Variants in EXOC4 observed in about 807,000 individuals in gnomAD.
EXOC4 encodes the protein SEC8-like 1.
A neutral mutation model predicts 107.2 loss-of-function variants in EXOC4; 71 were observed. The observed-to-expected ratio is 0.66, with a 90% CI of 0.55 to 0.81. The LOEUF is 0.81. EXOC4 is among the 30% of genes least tolerant of loss of function. The pLI, the probability that EXOC4 is intolerant of heterozygous loss-of-function variation, is 0.00. For missense variants in EXOC4, 1,108 were observed against 1,189.6 expected, an observed-to-expected ratio of 0.93 and a Z score of 1.01; for synonymous variants, 456 against 441.2, an observed-to-expected ratio of 1.03 and a Z score of -0.42.
chr7:133,554,292 T>G (rs1337077046), intron 9 of EXOC4, among the ~76,000 whole-genome samples: 1 of 152,200 alleles, frequency 6.6e-6, no homozygotes, highest in Non-Finnish European at 1.5e-5. Context: ...CTTAATATTA[T>G]TTGAGTATCA....
chr7:134,079,698 C>T, the EXOC4 span, among the ~76,000 whole-genome samples: 3 of 152,190 alleles, frequency 2.0e-5, no homozygotes, highest in Non-Finnish European at 4.4e-5. Context: ...CCTTCAGATG[C>T]AGTGTCAGTT....
intron 10 of EXOC4, among the ~76,000 whole-genome samples, chr7:133,787,731 G>A (rs1585145181): frequency 6.6e-6 from 1 of 150,728 alleles, no homozygotes; most frequent in African/African-American, 2.4e-5. Flanking sequence ...TCTCATAAGG[G>A]CACTCATCCT....
chr7:133,790,005 T>C (rs1472863382), intron 10 of EXOC4, among the ~76,000 whole-genome samples: 1 of 152,200 alleles, frequency 6.6e-6, no homozygotes, highest in African/African-American at 2.4e-5. Context: ...TATATTCTCA[T>C]GTAACAAACC....
chr7:133,640,865 TC>T, intron 10 of EXOC4, among the ~76,000 whole-genome samples: 1 of 104,262 alleles, frequency 9.6e-6, no homozygotes, highest in African/African-American at 3.8e-5. Context: ...ACATTCTCTC[TC>T]TCTCTCTTTT....
chr7:133,591,327 C>G (rs1230468840), intron 9 of EXOC4, among the ~76,000 whole-genome samples: 1 of 152,104 alleles, frequency 6.6e-6, no homozygotes, highest in Admixed American at 6.5e-5. Flanking sequence ...CCTTGGCACC[C>G]CAGCCTTCAC....
At chr7:133,712,495 G>A (rs542150930) in intron 10 of EXOC4, among the ~76,000 whole-genome samples, 1 of 142,766 alleles carries the variant, frequency 7.0e-6, no homozygotes, top group Admixed American at 7.1e-5. Context: ...TACACTGCTG[G>A]TAGGAATACA....
chr7:133,894,492 G>T (rs1384865045), intron 11 of EXOC4, among the ~76,000 whole-genome samples: 1 of 118,088 alleles, frequency 8.5e-6, no homozygotes, highest in Non-Finnish European at 1.7e-5. Context: ...TCCTTTGGAG[G>T]AGGAGAGGCG....
intron 3 of EXOC4, among the ~76,000 whole-genome samples, chr7:133,292,763 G>GT (rs1794435638): frequency 6.6e-6 from 1 of 152,156 alleles, no homozygotes; most frequent in African/African-American, 2.4e-5. Flanking sequence ...GATAGTGGTT[G>GT]TGTCTTACCT....
chr7:133,977,770 G>C (rs367964131), intron 14 of EXOC4, among the ~76,000 whole-genome samples: 7 of 151,348 alleles, frequency 4.6e-5, no homozygotes, highest in African/African-American at 1.7e-4. Context: ...GTGTGTGTTT[G>C]TTTGTTTTAG....
intron 9 of EXOC4, among the ~76,000 whole-genome samples, chr7:133,564,282 G>A (rs967982509): frequency 1.3e-5 from 2 of 152,110 alleles, no homozygotes; most frequent in Admixed American, 1.3e-4. Flanking sequence ...GGCCGGGGTA[G>A]AAGCAAGAGA....
chr7:133,970,290 G>C (rs1801174072), intron 14 of EXOC4, among the ~76,000 whole-genome samples: 1 of 152,130 alleles, frequency 6.6e-6, no homozygotes, highest in African/African-American at 2.4e-5. Flanking sequence ...CTCCGTGGGG[G>C]TGGGATCCGC....
Position 133,257,238 on chromosome 7 carries a change from C to CG in EXOC4, c.86+4058dup, listed in dbSNP as rs55651062. On this transcript the variant is annotated intron_variant, in intron 1 of 17. Coordinates refer to ENST00000253861, the MANE Select transcript of EXOC4 (RefSeq NM_021807.4). The stretch of plus-strand genomic sequence containing the variant: ...ACTGGCCCTTTAAAATGGAACTAAC[C>CG]GGGGGGGACAGAATCCTGATTACGT... 3.0e-4 allele frequency among the ~76,000 whole-genome samples: 20 copies of CG among 67,428 alleles called. No homozygotes were observed. The East Asian group carries it at 5.5e-3, about 18-fold the overall frequency. 44.2% of individuals were successfully genotyped at this position (67,428 alleles called of 152,430 possible).
intron 9 of EXOC4, among the ~76,000 whole-genome samples, chr7:133,536,360 C>T (rs1007733127): frequency 1.3e-5 from 2 of 152,152 alleles, no homozygotes; most frequent in Non-Finnish European, 2.9e-5. Flanking sequence ...TCTCTGTTTA[C>T]AGCCCCGAAG....
chr7:133,469,003 G>C (rs1798803085), intron 7 of EXOC4, among the ~76,000 whole-genome samples: 2 of 152,118 alleles, frequency 1.3e-5, no homozygotes, highest in South Asian at 4.1e-4. Flanking sequence ...TTGAGAGCTT[G>C]AGACAATTTT....
At chr7:134,059,621 A>ATCTTTTAAC (rs1270306772) in intron 17 of EXOC4, among the ~76,000 whole-genome samples, 2 of 152,202 alleles carry the variant, frequency 1.3e-5, no homozygotes, top group Admixed American at 1.3e-4. Flanking sequence ...TAATATACTT[A>ATCTTTTAAC]TCTTTTAACT....
chr7:133,256,842 C>T (rs1251498709), intron 1 of EXOC4, among the ~76,000 whole-genome samples: 3 of 151,998 alleles, frequency 2.0e-5, no homozygotes, highest in African/African-American at 4.8e-5. Flanking sequence ...GGGGAATATC[C>T]GAATCTCATC....
chr7:133,653,804 A>T (rs1043433117), intron 10 of EXOC4, among the ~76,000 whole-genome samples: 1 of 152,168 alleles, frequency 6.6e-6, no homozygotes, highest in African/African-American at 2.4e-5. Context: ...AATTAGAGAT[A>T]TTGAGAATGG....
At chr7:133,706,741 C>T (rs1249991985) in intron 10 of EXOC4, among the ~76,000 whole-genome samples, 1 of 152,074 alleles carries the variant, frequency 6.6e-6, no homozygotes, top group Non-Finnish European at 1.5e-5. Flanking sequence ...TTGGACTAGC[C>T]ACATTTGAAG....
intron 11 of EXOC4, among the ~76,000 whole-genome samples, chr7:133,878,811 C>T (rs561997908): frequency 7.2e-5 from 11 of 152,264 alleles, no homozygotes; most frequent in Admixed American, 3.3e-4. Context: ...GCAGCCTCCA[C>T]CTCCCAGGTT....
Sources: allele counts gnomAD v4.1 joint callset (sites outside exome capture counted in the v4.1 genomes callset), GRCh38; gene constraint gnomAD v4.1.1; transcripts MANE v1.5; gene names NCBI Gene and HGNC (gene_info 2026-07-23, HGNC 2026-07-21).